Variants in AURKA observed in about 807,000 individuals in gnomAD.
The protein encoded by AURKA is aurora kinase A, also known as aurora 2.
In AURKA, 12 loss-of-function variants were observed where a neutral mutation model predicts 40.9. The ratio of observed to expected loss-of-function variants is 0.29; its 90% CI spans 0.19 to 0.48. AURKA has a LOEUF of 0.48. AURKA is among the 20% of genes least tolerant of loss of function. AURKA has a pLI of 0.99. For missense variants in AURKA, 322 were observed against 462.1 expected, an observed-to-expected ratio of 0.70 and a Z score of 2.78; for synonymous variants, 170 against 164.3, an observed-to-expected ratio of 1.03 and a Z score of -0.26.
rs1041494448 is a variant in AURKA at position 56,373,171 on chromosome 20, T to C, written c.854+237A>G. 6.6e-6 allele frequency among the ~76,000 whole-genome samples: 1 copy of C among 152,224 alleles called. No individual in the cohort carries two copies. The highest frequency in any genetic ancestry group is 2.4e-5 in the African/African-American group (1 of 41,452). ...ATCCCTTCATTAGCCTCTAAGGACA[T>C]TAAGCATCTTCAACCCTAGGCCTAG... On this transcript the variant is annotated intron_variant, in intron 7 of 8. Coordinates refer to ENST00000395915, the MANE Select transcript of AURKA (RefSeq NM_198437.3). This position sits in a 1 kb window ranked among gnomAD's most constrained non-coding sequence, Gnocchi z 5.0.
At chr20:56,370,366 T>A in intron 8 of AURKA, 26 bp from the exon 9 acceptor site, 1 of 1,614,078 alleles carries the variant, frequency 6.2e-7, no homozygotes, top group Non-Finnish European at 8.5e-7. Flanking sequence ...TGATAAAATA[T>A]CACAAAACAC....
At chr20:56,380,299 G>A (rs1467007253) in intron 6 of AURKA, among the ~76,000 whole-genome samples, 1 of 149,344 alleles carries the variant, frequency 6.7e-6, no homozygotes, top group Non-Finnish European at 1.5e-5. Context: ...AGGTTGCAGT[G>A]AGCCAAGATA....
chr20:56,373,361 C>A lies in AURKA; in HGVS notation c.854+47G>T. 6.2e-7 allele frequency: 1 copy of A among 1,612,226 alleles called. No individual in the cohort carries two copies. The highest frequency in any genetic ancestry group is 2.2e-5 in the East Asian group (1 of 44,870). The stretch of plus-strand genomic sequence containing the variant: ...TTTACATTTAGCTCACGGTTAGCTC[C>A]CAGGGCTTTGGTAAACCAAACAACT... On this transcript the variant is annotated intron_variant, in intron 7 of 8. Coordinates refer to ENST00000395915, the MANE Select transcript of AURKA (RefSeq NM_198437.3). This position sits in a 1 kb window ranked among gnomAD's most constrained non-coding sequence, Gnocchi z 5.0.
At chr20:56,389,888 C>G (rs558376914) in intron 1 of AURKA, among the ~76,000 whole-genome samples, 2 of 152,346 alleles carry the variant, frequency 1.3e-5, no homozygotes, top group South Asian at 4.1e-4. Flanking sequence ...TGCTCACCAC[C>G]TCTACTACTA....
intron 1 of AURKA, among the ~76,000 whole-genome samples, chr20:56,390,364 T>C (rs1986925401): frequency 6.6e-6 from 1 of 150,666 alleles, no homozygotes; most frequent in Non-Finnish European, 1.5e-5. Context: ...TGGAGTGCAA[T>C]GGCGCAATCT....
At chr20:56,382,054 C>T (rs1300816949) in intron 5 of AURKA, among the ~76,000 whole-genome samples, 1 of 151,924 alleles carries the variant, frequency 6.6e-6, no homozygotes. Context: ...ATCCTAGCTA[C>T]TCAGGAGGCT....
Position 56,373,325 on chromosome 20 carries a change from C to A in AURKA, c.854+83G>T, listed in dbSNP as rs183194034. The A allele has an allele frequency of 2.2e-4, 349 of 1,600,994 alleles. No individual in the cohort carries two copies. The African/African-American group carries it at 3.8e-3, about 17-fold the overall frequency. Reference sequence around the variant, plus strand: ...TACCCCTCTTACAGCACAAAATCTACACTGAAATATTTTACATTTAGCTCA... The same window carrying A: ...TACCCCTCTTACAGCACAAAATCTAAACTGAAATATTTTACATTTAGCTCA... On this transcript the variant is annotated intron_variant, in intron 7 of 8. Transcript: ENST00000395915. This position sits in a 1 kb window ranked among gnomAD's most constrained non-coding sequence, Gnocchi z 5.0.
chr20:56,370,767 G>T, intron 7 of AURKA, 108 bp from the exon 8 acceptor site: 1 of 1,209,934 alleles, frequency 8.3e-7, no homozygotes, highest in Non-Finnish European at 1.2e-6. Context: ...CCCTGGGCCA[G>T]ATCCTGTGCC....
intron 2 of AURKA, 48 bp downstream of exon 2, chr20:56,388,108 C>G (rs6014712): frequency 2.1e-3 from 3,332 of 1,580,734 alleles, no homozygotes; most frequent in African/African-American, 6.5e-3. Context: ...AGACCAACCT[C>G]CATGTGGGTT....
intron 1 of AURKA, among the ~76,000 whole-genome samples, chr20:56,389,580 G>C (rs1986796334): frequency 3.9e-5 from 6 of 151,910 alleles, no homozygotes; most frequent in Admixed American, 2.6e-4. Flanking sequence ...TCATTCTTCA[G>C]CCCAGACCTC....
intron 6 of AURKA, among the ~76,000 whole-genome samples, chr20:56,377,526 C>T (rs750572266): frequency 1.3e-5 from 2 of 152,176 alleles, no homozygotes; most frequent in East Asian, 1.9e-4. Flanking sequence ...CAGTGGCTCA[C>T]GCCTATAATC....
At chr20:56,379,637 G>T (rs1001384737) in intron 6 of AURKA, among the ~76,000 whole-genome samples, 1 of 152,102 alleles carries the variant, frequency 6.6e-6, no homozygotes, top group Non-Finnish European at 1.5e-5. Flanking sequence ...AAATATACAC[G>T]ATGAGGCCTG....
intron 6 of AURKA, 22 bp downstream of exon 6, chr20:56,381,411 T>A (rs377663074): frequency 7.6e-5 from 123 of 1,611,602 alleles, no homozygotes; most frequent in Non-Finnish European, 1.0e-4. Flanking sequence ...ACAATTAGCC[T>A]GGACAATAAA....
Position 56,386,339 on chromosome 20 carries a change from C to T in AURKA, c.237G>A (p.Leu79=), listed in dbSNP as rs761997752. ...KPVQNQKQKQ[L]QATSVPHPVS... ...CAGGATGAGGTACACTGGTTGCCTG[C>T]AATTGCTTCTGCTTCTGATTCTGAA... The change falls in exon 3 of 9, where the codon TTG becomes TTA. Residue 79 remains leucine (L), a synonymous_variant. Coordinates refer to ENST00000395915, the MANE Select transcript of AURKA (RefSeq NM_198437.3). 9 of 1,614,218 alleles carry T rather than the reference C, an allele frequency of 5.6e-6. No homozygotes were observed. The South Asian group carries it at 9.9e-5, about 18-fold the overall frequency.
intron 1 of AURKA, among the ~76,000 whole-genome samples, chr20:56,389,615 T>A (rs1047175795): frequency 1.3e-5 from 2 of 152,128 alleles, no homozygotes; most frequent in Non-Finnish European, 2.9e-5. Context: ...GATCTACATT[T>A]TCTACTTTCT....
Position 56,373,390 on chromosome 20 carries a change from A to T in AURKA, c.854+18T>A. ...GGCTTTGGTAAACCAAACAACTTCC[A>T]CCTCTAAAGTTACATACCTGGAAGA... On this transcript the variant is annotated intron_variant, in intron 7 of 8. Transcript: ENST00000395915. This position sits in a 1 kb window ranked among gnomAD's most constrained non-coding sequence, Gnocchi z 5.0. The T allele has an allele frequency of 6.2e-7, 1 of 1,612,654 alleles. No individual in the cohort carries two copies. The highest frequency in any genetic ancestry group is 8.5e-7 in the Non-Finnish European group (1 of 1,179,982).
At chr20:56,371,871 C>T (rs2146133333) in intron 7 of AURKA, among the ~76,000 whole-genome samples, 1 of 152,248 alleles carries the variant, frequency 6.6e-6, no homozygotes, top group East Asian at 1.9e-4. Context: ...TTAGGAAATG[C>T]ATTCTATTAT....
chr20:56,388,927 G>GCTCCT (rs1249886142), intron 1 of AURKA: 2 of 152,464 alleles, frequency 1.3e-5, no homozygotes, highest in African/African-American at 2.4e-5. Flanking sequence ...CACCTCTACT[G>GCTCCT]CTCCTCTCCC....
Position 56,386,249 on chromosome 20 carries a change from T to C in AURKA, c.319+8A>G. On this transcript the variant is annotated splice_region_variant and intron_variant, in intron 3 of 8. Transcript: ENST00000395915. The stretch of plus-strand genomic sequence containing the variant: ...GGACTATCCAATGAGTCTCAAAAGC[T>C]AGTTTACCAGGTGCCGATGGCAGGG... 6.2e-7 allele frequency: 1 copy of C among 1,614,256 alleles called. No homozygotes were observed. The highest frequency in any genetic ancestry group is 8.5e-7 in the Non-Finnish European group (1 of 1,180,052).
Sources: allele counts gnomAD v4.1 joint callset (sites outside exome capture counted in the v4.1 genomes callset), GRCh38; gene constraint gnomAD v4.1.1; non-coding constraint Gnocchi (gnomAD v3.1); transcripts MANE v1.5; gene names NCBI Gene and HGNC (gene_info 2026-07-23, HGNC 2026-07-21).